Variants in RC3H1 observed in about 807,000 individuals in gnomAD.
RC3H1 encodes ring finger and CCCH-type domains 1.
Under a neutral mutation model 138.2 loss-of-function variants are expected in RC3H1, and 50 were observed. That is an observed-to-expected ratio of 0.36 (90% CI 0.29 to 0.46). The LOEUF (loss-of-function observed/expected upper bound fraction) is 0.46, where lower values mean the gene tolerates loss of function less well. RC3H1 is among the 20% of genes least tolerant of loss of function. The pLI, the probability that RC3H1 is intolerant of heterozygous loss-of-function variation, is 1.00. For missense variants in RC3H1, 1,031 were observed against 1,388.1 expected (o/e 0.74, Z 4.09); for synonymous variants, 462 against 489.1 (o/e 0.94, Z 0.73).
Position 173,993,048 on chromosome 1 carries a change from T to G in RC3H1, c.-63A>C. The G allele has an allele frequency of 8.2e-7, 1 of 1,222,734 alleles. No individual in the cohort carries two copies. Among genetic ancestry groups the G allele is most frequent in the Non-Finnish European group, 1.2e-6 (1 of 842,766 alleles). 75.7% of individuals were successfully genotyped at this position (1,222,734 alleles called of 1,614,324 possible). A position where few individuals can be genotyped will look rare whatever the true frequency, so the allele number is the denominator to read the frequency against. On this transcript the variant is annotated 5_prime_UTR_variant, in exon 2 of 20. Coordinates refer to ENST00000367696, the MANE Select transcript of RC3H1 (RefSeq NM_172071.4). ...CACAAATCTAAAGCAAAGATTCCACTGGAATCAAAATCTTTGAAAAAAAGT... is the reference window on the plus strand; with the variant it reads ...CACAAATCTAAAGCAAAGATTCCACGGGAATCAAAATCTTTGAAAAAAAGT...
chr1:173,998,224 G>A (rs1661500319), intron 1 of RC3H1, among the ~76,000 whole-genome samples: 1 of 152,090 alleles, frequency 6.6e-6, no homozygotes, highest in South Asian at 2.1e-4. Flanking sequence ...AAACTGTTGG[G>A]GGTCAGGCCA....
chr1:173,970,488 C>T lies in RC3H1; in HGVS notation c.1334+17G>A. On this transcript the variant is annotated intron_variant, in intron 9 of 19. Transcript: ENST00000367696. Reference sequence around the variant, plus strand: ...CACTTACACCTTATTCCAAAGTCTCCTGACTTTCACACTTACTTTTCCAGT... The same window carrying T: ...CACTTACACCTTATTCCAAAGTCTCTTGACTTTCACACTTACTTTTCCAGT... 6.4e-7 allele frequency: 1 copy of T among 1,550,784 alleles called. No homozygotes were observed. The highest frequency in any genetic ancestry group is 8.9e-7 in the Non-Finnish European group (1 of 1,123,096).
rs761802763 is a variant in RC3H1, at chr1:173,964,950, T to G, written c.1505A>C (p.Asn502Thr). ...ALPNGIVSTGNTVTQLIPRGT... is the reference protein window; with the variant it reads ...ALPNGIVSTGTTVTQLIPRGT... ...TCGCGGAATAAGCTGTGTTACTGTA[T>G]TCCCTGTTGATACAATTCCATTTGG... Residue 502 changes from asparagine (N) to threonine (T), a missense_variant, in exon 10 of 20, where the codon AAT becomes ACT. Asn to Thr is a moderately conservative substitution (Grantham distance 65). Around this residue, in one of 7 missense-constraint regions of RC3H1, gnomAD observed 716 missense variants for 837.9 expected, o/e 0.85. Transcript: ENST00000367696. 1.5e-5 allele frequency: 24 copies of G among 1,614,150 alleles called. No homozygotes were observed. The highest frequency in any genetic ancestry group is 2.0e-5 in the Non-Finnish European group (24 of 1,180,024).
chr1:174,017,909 T>C (rs1175884124), intron 1 of RC3H1, among the ~76,000 whole-genome samples: 1 of 143,640 alleles, frequency 7.0e-6, no homozygotes, highest in East Asian at 2.0e-4. Context: ...TAATAATCAG[T>C]GAAGGTATAC....
chr1:173,961,564 A>T (rs550312118), intron 12 of RC3H1, among the ~76,000 whole-genome samples, 161 bp downstream of exon 12: 101 of 84,152 alleles, frequency 1.2e-3, no homozygotes, highest in Admixed American at 2.5e-3. Context: ...TATATAGTTT[A>T]AAAAAAAAAA....
In RC3H1 at chr1:173,972,461, A is replaced by C. The variant is rs1236331621; in HGVS notation, c.1221+48T>G. The C allele has an allele frequency of 3.1e-6, 4 of 1,289,192 alleles. No homozygotes were observed. In the Admixed American group the frequency reaches 6.8e-5, roughly 22 times the overall value. 79.9% of individuals were successfully genotyped at this position (1,289,192 alleles called of 1,614,324 possible). ...CCACAGTGGTTTACCTATAGTTTTA[A>C]GGCATATCCACAGTGGGTTAACTCT... is the stretch of plus-strand genomic sequence containing the variant. On this transcript the variant is annotated intron_variant, in intron 8 of 19. Transcript: ENST00000367696.
Position 173,961,059 on chromosome 1 carries a change from T to C in RC3H1, c.2370+18A>G, listed in dbSNP as rs748906337. 3 of 1,610,214 alleles carry C rather than the reference T, an allele frequency of 1.9e-6. No homozygotes were observed. The highest frequency in any genetic ancestry group is 2.5e-6 in the Non-Finnish European group (3 of 1,177,994). On this transcript the variant is annotated intron_variant, in intron 13 of 19. Coordinates refer to ENST00000367696, the MANE Select transcript of RC3H1 (RefSeq NM_172071.4). ...ACAAAAAAACACGGATAAATGAGAC[T>C]AAAAATGATTTGCTTACTTCTTCCG...
Position 173,947,574 on chromosome 1 carries a change from C to G in RC3H1, c.2532G>C (p.Glu844Asp). The G allele has an allele frequency of 1.9e-6, 3 of 1,613,766 alleles. No homozygotes were observed. The highest frequency in any genetic ancestry group is 2.5e-6 in the Non-Finnish European group (3 of 1,179,816). Residue 844 changes from glutamate to aspartate, a missense_variant, in exon 15 of 20, where the codon GAG becomes GAC. Physicochemically the swap from Glu to Asp is conservative, Grantham distance 45. This residue lies in a region of RC3H1 where 716 missense variants were observed against 837.9 expected (regional missense o/e 0.85). Coordinates refer to ENST00000367696, the MANE Select transcript of RC3H1 (RefSeq NM_172071.4). ...ATCGCTGGTCCCTCATTCCTTTACT[C>G]TCCACATTCTGATAAAAAAGCAAAA... is the stretch of plus-strand genomic sequence containing the variant. ...AAGSVEMMNV[E>D]SKGMRDQRLD... is the part of the protein sequence containing the mutation.
At chr1:173,973,435 C>T (rs926853533) in intron 7 of RC3H1, among the ~76,000 whole-genome samples, 10 of 151,224 alleles carry the variant, frequency 6.6e-5, no homozygotes, top group African/African-American at 2.4e-4. Context: ...ACTTAGGAGG[C>T]TGAGGCAGGA....
chr1:173,947,413 G>A lies in RC3H1; in HGVS notation c.2693C>T (p.Ala898Val), dbSNP rs1659179930. The change falls in exon 15 of 20, where the codon GCT (alanine) becomes GTT (valine). Residue 898 changes from alanine (A) to valine (V), a missense_variant. By Grantham distance (64) the Ala-to-Val change is moderately conservative. Around this residue, in one of 7 missense-constraint regions of RC3H1, gnomAD observed 716 missense variants for 837.9 expected, o/e 0.85. Transcript: ENST00000367696. ...TGTAGGAGCTCCCTGAGGTGCCATA[G>A]CCTGCATTGGACCAGCACCCTGATA... is the stretch of plus-strand genomic sequence containing the variant. ...TIYQGAGPMQ[A>V]MAPQGAPTKS... The A allele has an allele frequency of 6.2e-7, 1 of 1,613,902 alleles. No homozygotes were observed. The highest frequency in any genetic ancestry group is 8.5e-7 in the Non-Finnish European group (1 of 1,179,962).
In RC3H1 at chr1:173,936,743, ATATATATATATATATATAT is replaced by A. The variant is rs1173040611; in HGVS notation, c.*1959_*1977del. The A allele has an allele frequency of 1.0e-3, 47 of 47,138 alleles. 1 individual carries two copies. The African/African-American group carries it at 0.01, about 10-fold the overall frequency. The allele number at this position is 47,138 out of a possible 1,614,324, so 2.9% of individuals were successfully genotyped here. Reference sequence around the variant, plus strand: ...AGAAAAAGCATACATATATATATATATATATATATATATATATATTTTTTTTTTTTTTTTTAAAAAAAGA... The same window carrying A: ...AGAAAAAGCATACATATATATATATATTTTTTTTTTTTTTTTAAAAAAAGA... On this transcript the variant is annotated 3_prime_UTR_variant, in exon 20 of 20. Transcript: ENST00000367696.
intron 2 of RC3H1, among the ~76,000 whole-genome samples, chr1:173,985,577 A>G (rs1660994058): frequency 6.6e-6 from 1 of 151,764 alleles, no homozygotes; most frequent in Non-Finnish European, 1.5e-5. Context: ...CAATGTGACG[A>G]TGTGAGATGA....
chr1:174,011,858 T>C (rs1272850862), intron 1 of RC3H1, among the ~76,000 whole-genome samples: 1 of 152,204 alleles, frequency 6.6e-6, no homozygotes, highest in East Asian at 1.9e-4. Context: ...ATGTTCAGTT[T>C]AATTATATTC....
chr1:174,021,474 T>G (rs989280532), intron 1 of RC3H1, among the ~76,000 whole-genome samples: 2 of 151,750 alleles, frequency 1.3e-5, no homozygotes, highest in Non-Finnish European at 2.9e-5. Context: ...ATGTTTTTGT[T>G]GCATTTAAGT....
chr1:174,017,345 G>A (rs764824753), intron 1 of RC3H1, among the ~76,000 whole-genome samples: 14 of 152,156 alleles, frequency 9.2e-5, no homozygotes, highest in African/African-American at 3.4e-4. Context: ...AAACAAAACT[G>A]CAAACTTCTA....
At chr1:173,999,317 T>C (rs1480996250) in intron 1 of RC3H1, among the ~76,000 whole-genome samples, 3 of 150,836 alleles carry the variant, frequency 2.0e-5, no homozygotes, top group Non-Finnish European at 4.4e-5. Flanking sequence ...GAGGCAGAGG[T>C]TGCGGTGAGC....
In RC3H1 at chr1:173,992,798, A is replaced by T. The variant is rs765130831; in HGVS notation, c.188T>A (p.Leu63His). 3 of 1,614,012 alleles carry T rather than the reference A, an allele frequency of 1.9e-6. No homozygotes were observed. The Admixed American group carries it at 5.0e-5, about 27-fold the overall frequency. ...CAGCAATGCTGAGTTCACAGGGAGGAGCTCAATGTCTGTATTGATAGTGGT... is the reference window on the plus strand; with the variant it reads ...CAGCAATGCTGAGTTCACAGGGAGGTGCTCAATGTCTGTATTGATAGTGGT... ...DQTTINTDIE[L>H]LPVNSALLQL... is the part of the protein sequence containing the mutation. The change falls in exon 2 of 20, where the codon CTC (leucine) becomes CAC (histidine). Residue 63 changes from leucine to histidine, a missense_variant. Physicochemically the swap from Leu to His is moderately conservative, Grantham distance 99. Around this residue, in one of 7 missense-constraint regions of RC3H1, gnomAD observed 80 missense variants for 81.1 expected, o/e 0.99. Coordinates refer to ENST00000367696, the MANE Select transcript of RC3H1 (RefSeq NM_172071.4).
At chr1:174,012,158 G>A (rs1661782063) in intron 1 of RC3H1, among the ~76,000 whole-genome samples, 1 of 151,866 alleles carries the variant, frequency 6.6e-6, no homozygotes, top group Admixed American at 6.6e-5. Flanking sequence ...TTGAGCCTGG[G>A]AGGTCAAGGC....
chr1:173,962,317 A>G lies in RC3H1; in HGVS notation c.1832-222T>C, dbSNP rs532978398. On this transcript the variant is annotated intron_variant, in intron 11 of 19. Transcript: ENST00000367696. The stretch of plus-strand genomic sequence containing the variant: ...AACTACCCTACTTATAATCTATAAT[A>G]GTAGATTGGCTCTCATTGTTTGACC... Among the ~76,000 whole-genome samples the G allele has an allele frequency of 2.2e-4, 34 of 152,348 alleles. No individual in the cohort carries two copies. In the South Asian group the frequency reaches 6.8e-3, roughly 31 times the overall value.
Sources: gnomAD v4.1 joint callset for allele counts (sites outside exome capture counted in the v4.1 genomes callset) on GRCh38, gnomAD v4.1.1 for gene constraint, gnomAD v4.1.1 regional missense constraint, MANE v1.5 for transcripts, NCBI Gene and HGNC (gene_info 2026-07-23, HGNC 2026-07-21) for gene names.